ZNF438: variants seen among roughly 807,000 people sequenced by gnomAD.
ZNF438 encodes the protein zinc finger protein 438.
Under a neutral mutation model 38.0 loss-of-function variants are expected in ZNF438, and 25 were observed. That is an observed-to-expected ratio of 0.66 (90% CI 0.48 to 0.92). The LOEUF (loss-of-function observed/expected upper bound fraction) is 0.92, where lower values mean the gene tolerates loss of function less well. Among genes scored for constraint, ZNF438 ranks in the 40% least tolerant of loss-of-function variants. The probability of loss-of-function intolerance (pLI) is 0.00; values close to 1 mark genes in which losing one functional copy is unlikely to be tolerated. For synonymous variants in ZNF438, 372 were observed against 364.1 expected, an observed-to-expected ratio of 1.02 and a Z score of -0.25; for missense variants, 1,007 against 999.6, an observed-to-expected ratio of 1.01 and a Z score of -0.10.
intron 1 of ZNF438, among the ~76,000 whole-genome samples, chr10:30,988,484 A>G (rs2053103715): frequency 6.6e-6 from 1 of 152,048 alleles, no homozygotes; most frequent in African/African-American, 2.4e-5. Flanking sequence ...GTAGTATATT[A>G]TTAGTCAGGG....
intron 4 of ZNF438, among the ~76,000 whole-genome samples, chr10:30,856,072 G>A (rs540396344): frequency 6.6e-6 from 1 of 152,368 alleles, no homozygotes; most frequent in East Asian, 1.9e-4. Flanking sequence ...GGATATTTGT[G>A]ATGAGTGTGT....
chr10:30,879,977 C>G (rs1353617092), intron 3 of ZNF438, among the ~76,000 whole-genome samples: 1 of 151,884 alleles, frequency 6.6e-6, no homozygotes, highest in Non-Finnish European at 1.5e-5. Context: ...TCTCAAAACA[C>G]TGATTCACGA....
chr10:30,849,505 C>T, exon 5 of ZNF438: 1 of 1,614,238 alleles, frequency 6.2e-7, no homozygotes. Context: ...CCATTGTCTT[C>T]ATTCTTGAGT....
intron 1 of ZNF438, among the ~76,000 whole-genome samples, chr10:30,997,681 C>A (rs1187885837): frequency 1.3e-5 from 2 of 151,256 alleles, no homozygotes; most frequent in Non-Finnish European, 2.9e-5. Context: ...GGCTTAGAAA[C>A]GGGTATAGGA....
chr10:30,950,961 A>G (rs575492929), intron 1 of ZNF438, among the ~76,000 whole-genome samples: 196 of 139,634 alleles, frequency 1.4e-3, no homozygotes, highest in African/African-American at 4.9e-3. Flanking sequence ...AGAATTTTAG[A>G]CCAATATCCT....
chr10:30,847,868 C>T (rs552673315), intron 5 of ZNF438, among the ~76,000 whole-genome samples: 3 of 152,272 alleles, frequency 2.0e-5, no homozygotes, highest in Non-Finnish European at 4.4e-5. Flanking sequence ...TCCCTCACCA[C>T]TCTGTGCCTG....
intron 3 of ZNF438, among the ~76,000 whole-genome samples, chr10:30,892,156 TTCC>T (rs2040767120): frequency 6.6e-6 from 1 of 151,382 alleles, no homozygotes; most frequent in East Asian, 1.9e-4. Flanking sequence ...ATGATCACAT[TTCC>T]ACCATTTTTG....
chr10:30,892,980 T>A (rs569876899), intron 3 of ZNF438, among the ~76,000 whole-genome samples: 1 of 152,346 alleles, frequency 6.6e-6, no homozygotes, highest in Admixed American at 6.5e-5. Context: ...CTACATACAG[T>A]GTGCACCCTT....
chr10:30,945,388 C>CTTTTTTTTTTTTTTTTT (rs61149961), intron 1 of ZNF438, among the ~76,000 whole-genome samples: 1 of 141,122 alleles, frequency 7.1e-6, no homozygotes. Flanking sequence ...GATTCTTTTA[C>CTTTTTTTTTTTTTTTTT]TTTTTTTTTT....
intron 1 of ZNF438, among the ~76,000 whole-genome samples, chr10:31,012,005 C>T (rs2133095565): frequency 6.6e-6 from 1 of 152,300 alleles, no homozygotes; most frequent in East Asian, 1.9e-4. Context: ...CAAACATGTG[C>T]TGTTTCCTTG....
chr10:30,902,701 C>A (rs1050214412), intron 3 of ZNF438, among the ~76,000 whole-genome samples: 1 of 152,212 alleles, frequency 6.6e-6, no homozygotes, highest in African/African-American at 2.4e-5. Context: ...TAGCTAGACA[C>A]AAAAGTTTTC....
intron 1 of ZNF438, among the ~76,000 whole-genome samples, chr10:30,962,098 C>G (rs2136050071): frequency 6.8e-6 from 1 of 146,706 alleles, no homozygotes; most frequent in East Asian, 1.9e-4. Context: ...CTCCAACCCA[C>G]CTTACTCTTT....
At chr10:30,923,164 T>C (rs1270852288) in intron 2 of ZNF438, 1 of 152,248 alleles carries the variant, frequency 6.6e-6, no homozygotes. Context: ...ATTTCTGGCA[T>C]GTAACTCAGC....
intron 1 of ZNF438, among the ~76,000 whole-genome samples, chr10:31,012,278 C>T (rs546635301): frequency 6.2e-4 from 95 of 152,090 alleles, no homozygotes; most frequent in African/African-American, 2.0e-3. Flanking sequence ...CACCCGCCAC[C>T]ACGCCCGGCT....
At chr10:30,911,077 A>G (rs556301776) in intron 2 of ZNF438, among the ~76,000 whole-genome samples, 1 of 152,268 alleles carries the variant, frequency 6.6e-6, no homozygotes, top group East Asian at 1.9e-4. Context: ...TGGGTAAGGG[A>G]AAATCACTCT....
At chr10:30,963,903 T>C (rs1293478616) in intron 1 of ZNF438, among the ~76,000 whole-genome samples, 1 of 152,094 alleles carries the variant, frequency 6.6e-6, no homozygotes, top group African/African-American at 2.4e-5. Context: ...GCCAATGAGA[T>C]TGAATCAAGC....
chr10:30,921,153 G>A (rs768838649), intron 2 of ZNF438: 16 of 152,072 alleles, frequency 1.1e-4, no homozygotes, highest in African/African-American at 3.9e-4. Flanking sequence ...TTTGGAGATG[G>A]GTATCATGAT....
chr10:30,906,817 A>T (rs2042631591), intron 3 of ZNF438, among the ~76,000 whole-genome samples: 3 of 152,204 alleles, frequency 2.0e-5, no homozygotes, highest in Admixed American at 2.0e-4. Context: ...TGTGTCTATT[A>T]TCATGTGACT....
At chr10:30,990,852 G>T (rs2132514053) in intron 1 of ZNF438, among the ~76,000 whole-genome samples, 1 of 150,814 alleles carries the variant, frequency 6.6e-6, no homozygotes, top group African/African-American at 2.5e-5. Context: ...AAGAGAGATT[G>T]AAGATATATC....
Sources: gnomAD v4.1 joint callset for allele counts (sites outside exome capture counted in the v4.1 genomes callset) on GRCh38, gnomAD v4.1.1 for gene constraint, MANE v1.5 for transcripts, NCBI Gene and HGNC (gene_info 2026-07-23, HGNC 2026-07-21) for gene names.